Variants in KIF26B observed in about 807,000 individuals in gnomAD.
The protein encoded by KIF26B is kinesin family member 26B, also known as kinesin-like protein KIF26B.
Under a neutral mutation model 151.2 loss-of-function variants are expected in KIF26B, and 63 were observed. The observed-to-expected ratio is 0.42, with a 90% CI of 0.34 to 0.51. The LOEUF (loss-of-function observed/expected upper bound fraction) is 0.51, where lower values mean the gene tolerates loss of function less well. Among genes scored for constraint, KIF26B ranks in the 20% least tolerant of loss-of-function variants. The pLI is 0.07. For synonymous variants in KIF26B, 1,357 were observed against 1,262.1 expected (o/e 1.08, Z -1.59); for missense variants, 2,813 against 2,913.6 (o/e 0.97, Z 0.79).
At chr1:245,424,119 T>C (rs1658566439) in intron 4 of KIF26B, among the ~76,000 whole-genome samples, 1 of 152,094 alleles carries the variant, frequency 6.6e-6, no homozygotes, top group African/African-American at 2.4e-5. Context: ...GCTGGGATTA[T>C]AGTCATGAGC....
chr1:245,318,096 C>T lies in KIF26B; in HGVS notation c.466-48738C>T, dbSNP rs1033432469. ...TAGATGATGCAAAAACATGGTTTCTCTTCTCAGTTCAGATTGCCTCTGTTG... is the reference window on the plus strand; with the variant it reads ...TAGATGATGCAAAAACATGGTTTCTTTTCTCAGTTCAGATTGCCTCTGTTG... On this transcript the variant is annotated intron_variant, in intron 2 of 14. Coordinates refer to ENST00000407071, the MANE Select transcript of KIF26B (RefSeq NM_018012.4). The surrounding 1 kb of genome is among the most constrained non-coding windows in gnomAD (Gnocchi z 4.0). Among the ~76,000 whole-genome samples, 1 of 152,196 alleles carries T rather than the reference C, an allele frequency of 6.6e-6. No individual in the cohort carries two copies. The highest frequency in any genetic ancestry group is 2.4e-5 in the African/African-American group (1 of 41,446).
chr1:245,514,811 C>A (rs1355455125), intron 4 of KIF26B, among the ~76,000 whole-genome samples: 1 of 152,140 alleles, frequency 6.6e-6, no homozygotes, highest in Non-Finnish European at 1.5e-5. Context: ...GACTTCTATT[C>A]TCTCCATCAG....
Position 245,688,220 on chromosome 1 carries a change from G to A in KIF26B, c.5237G>A (p.Arg1746His). 6.3e-7 allele frequency: 1 copy of A among 1,588,174 alleles called. No individual in the cohort carries two copies. ...SRLLLASPRA[R>H]GPSASTTKTL... ...CTCCTCCTGGCCAGCCCCAGAGCGC[G>A]CGGCCCGTCCGCCTCCACCACCAAA... is the stretch of plus-strand genomic sequence containing the variant. The change falls in exon 12 of 15, where the codon CGC (arginine) becomes CAC (histidine). Residue 1746 changes from arginine (R) to histidine (H), a missense_variant. Transcript: ENST00000407071.
chr1:245,393,845 C>T (rs1673758056), intron 3 of KIF26B, among the ~76,000 whole-genome samples: 1 of 152,166 alleles, frequency 6.6e-6, no homozygotes, highest in South Asian at 2.1e-4. Context: ...TGTGTTCTAG[C>T]CTAGATGCCC....
intron 2 of KIF26B, among the ~76,000 whole-genome samples, chr1:245,261,545 C>T (rs1210578124): frequency 6.8e-6 from 1 of 147,422 alleles, no homozygotes; most frequent in Non-Finnish European, 1.5e-5. Context: ...CTCCCCCTCT[C>T]TCCCTCCCTC....
At chr1:245,229,945 C>T (rs1035878425) in intron 2 of KIF26B, among the ~76,000 whole-genome samples, 2 of 151,932 alleles carry the variant, frequency 1.3e-5, no homozygotes, top group Non-Finnish European at 2.9e-5. Flanking sequence ...CCAGCCTGGC[C>T]AACATGGTAA....
At chr1:245,193,544 C>T (rs1488229170) in intron 2 of KIF26B, among the ~76,000 whole-genome samples, 2 of 151,708 alleles carry the variant, frequency 1.3e-5, no homozygotes, top group East Asian at 1.9e-4. Flanking sequence ...ATTTTTTTCT[C>T]ATTTTAGGAA....
In KIF26B at chr1:245,283,690, A is replaced by ATCTTT. The variant is rs1553341296; in HGVS notation, c.466-83143_466-83142insCTTTT. Among the ~76,000 whole-genome samples the ATCTTT allele has an allele frequency of 8.4e-4, 119 of 141,684 alleles. 2 individuals are homozygous for ATCTTT. In the East Asian group the frequency reaches 0.015, roughly 18 times the overall value. The allele number at this position is 141,684 out of a possible 152,430, so 93.0% of individuals were successfully genotyped here. ...CATTTACCCTCCACCAAGCTTGAGA[A>ATCTTT]TTTTTTTTTTTTTTTGAGGCGGACT... On this transcript the variant is annotated intron_variant, in intron 2 of 14. Transcript: ENST00000407071.
Position 245,241,838 on chromosome 1 carries a change from C to A in KIF26B, c.465+85155C>A, listed in dbSNP as rs1670215609. On this transcript the variant is annotated intron_variant, in intron 2 of 14. Coordinates refer to ENST00000407071, the MANE Select transcript of KIF26B (RefSeq NM_018012.4). This position sits in a 1 kb window ranked among gnomAD's most constrained non-coding sequence, Gnocchi z 5.0. ...TTTGGGGACTCGGCCCTGGTGGATC[C>A]CCTTAGCCTGTGGTATGAGCTCAGT... Among the ~76,000 whole-genome samples, 1 of 152,136 alleles carries A rather than the reference C, an allele frequency of 6.6e-6. No homozygotes were observed. Among genetic ancestry groups the A allele is most frequent in the Non-Finnish European group, 1.5e-5 (1 of 68,018 alleles).
chr1:245,439,549 C>A (rs187775047), intron 4 of KIF26B, among the ~76,000 whole-genome samples: 2 of 152,058 alleles, frequency 1.3e-5, no homozygotes, highest in East Asian at 1.9e-4. Flanking sequence ...TTTTTTCCCC[C>A]AAGGGCTCAA....
At chr1:245,194,536 C>T (rs954246210) in intron 2 of KIF26B, among the ~76,000 whole-genome samples, 1 of 152,184 alleles carries the variant, frequency 6.6e-6, no homozygotes, top group Admixed American at 6.5e-5. Flanking sequence ...GCCACCATGC[C>T]TGGCTAGTTT....
rs1055765453 is a variant in KIF26B, at chr1:245,167,814, GA to G, written c.465+11132del. Among the ~76,000 whole-genome samples the G allele has an allele frequency of 2.0e-5, 3 of 152,150 alleles. No homozygotes were observed. The highest frequency in any genetic ancestry group is 4.8e-5 in the African/African-American group (2 of 41,426). On this transcript the variant is annotated intron_variant, in intron 2 of 14. Coordinates refer to ENST00000407071, the MANE Select transcript of KIF26B (RefSeq NM_018012.4). This position sits in a 1 kb window ranked among gnomAD's most constrained non-coding sequence, Gnocchi z 4.2. ...CCTTTACCAAGACAGGCAGCGTGGT[GA>G]TGGGGGCTGAGGGATAGATGGGAGG... is the stretch of plus-strand genomic sequence containing the variant.
chr1:245,347,362 G>C (rs2102998776), intron 2 of KIF26B, among the ~76,000 whole-genome samples: 1 of 151,852 alleles, frequency 6.6e-6, no homozygotes, highest in Non-Finnish European at 1.5e-5. Context: ...ACCCAGGCTG[G>C]AGCGTAGTGG....
intron 4 of KIF26B, among the ~76,000 whole-genome samples, chr1:245,536,771 G>A (rs1478403727): frequency 6.6e-6 from 1 of 152,178 alleles, no homozygotes; most frequent in Non-Finnish European, 1.5e-5. Context: ...CATATGTCTG[G>A]CAGTTGATAC....
intron 2 of KIF26B, among the ~76,000 whole-genome samples, chr1:245,322,511 T>C (rs147382648): frequency 2.3e-3 from 343 of 152,260 alleles, no homozygotes; most frequent in Non-Finnish European, 3.8e-3. Context: ...CACAATTTTT[T>C]TGTGATTGAA....
chr1:245,629,466 C>T lies in KIF26B; in HGVS notation c.2099-16655C>T, dbSNP rs144647849. On this transcript the variant is annotated intron_variant, in intron 9 of 14. Coordinates refer to ENST00000407071, the MANE Select transcript of KIF26B (RefSeq NM_018012.4). ...TACACATCTACAACAATCTGATCTT[C>T]GACAAACCTGACAAAAACAAGCAAT... is the stretch of plus-strand genomic sequence containing the variant. Among the ~76,000 whole-genome samples, 332 of 152,114 alleles carry T rather than the reference C, an allele frequency of 2.2e-3. 1 individual carries two copies. Among genetic ancestry groups the T allele is most frequent in the African/African-American group, 6.6e-3 (276 of 41,508 alleles).
chr1:245,198,426 T>G (rs146480545), intron 2 of KIF26B, among the ~76,000 whole-genome samples: 10 of 152,188 alleles, frequency 6.6e-5, no homozygotes, highest in African/African-American at 2.4e-4. Flanking sequence ...GAGTGTAATA[T>G]TTGGTAAGTG....
At chr1:245,319,239 C>A (rs1287170031) in intron 2 of KIF26B, among the ~76,000 whole-genome samples, 4 of 152,236 alleles carry the variant, frequency 2.6e-5, no homozygotes, top group Non-Finnish European at 5.9e-5. Flanking sequence ...CATCCTTGTG[C>A]TTTTATCTCC....
chr1:245,498,921 G>A (rs916508474), intron 4 of KIF26B, among the ~76,000 whole-genome samples: 4 of 152,182 alleles, frequency 2.6e-5, no homozygotes, highest in Non-Finnish European at 5.9e-5. Context: ...AACTGGTGAG[G>A]AAAATGGGAA....
Sources: allele counts gnomAD v4.1 joint callset (sites outside exome capture counted in the v4.1 genomes callset), GRCh38; gene constraint gnomAD v4.1.1; non-coding constraint Gnocchi (gnomAD v3.1); transcripts MANE v1.5; gene names NCBI Gene and HGNC (gene_info 2026-07-23, HGNC 2026-07-21).